Variants in DYNC2I1 observed in about 807,000 individuals in gnomAD.
DYNC2I1 encodes the protein dynein 2 intermediate chain 1, also known as cytoplasmic dynein 2 intermediate chain 1.
Under a neutral mutation model 133.4 loss-of-function variants are expected in DYNC2I1, and 89 were observed. The ratio of observed to expected loss-of-function variants is 0.67; its 90% CI spans 0.56 to 0.80. The LOEUF (loss-of-function observed/expected upper bound fraction) is 0.80. Ranked by LOEUF, DYNC2I1 falls within the 30% of genes least tolerant of loss-of-function variation. The probability of loss-of-function intolerance (pLI) is 0.00; values close to 1 mark genes in which losing one functional copy is unlikely to be tolerated. For missense variants in DYNC2I1, 1,291 were observed against 1,314.5 expected (o/e 0.98, Z 0.28); for synonymous variants, 504 against 484.3 (o/e 1.04, Z -0.54).
intron 11 of DYNC2I1, among the ~76,000 whole-genome samples, chr7:158,911,028 GCTGTGTCAGGC>G (rs1847410613): frequency 6.6e-6 from 1 of 152,192 alleles, no homozygotes; most frequent in Non-Finnish European, 1.5e-5. Flanking sequence ...AGGGCGATTG[GCTGTGTCAGGC>G]CTGTGGGCGG....
At chr7:158,929,001 A>G (rs1358439897) in intron 20 of DYNC2I1, among the ~76,000 whole-genome samples, 4 of 152,242 alleles carry the variant, frequency 2.6e-5, no homozygotes, top group East Asian at 1.9e-4. Flanking sequence ...AAGTATTTGC[A>G]TACAAATGTT....
chr7:158,856,949 G>A (rs1037436128), intron 1 of DYNC2I1, among the ~76,000 whole-genome samples, 199 bp downstream of exon 1: 3 of 152,070 alleles, frequency 2.0e-5, no homozygotes, highest in Non-Finnish European at 2.9e-5. Flanking sequence ...GGGATGGCAG[G>A]ACGCCGGGCT....
intron 15 of DYNC2I1, 26 bp from the exon 16 acceptor site, chr7:158,922,351 T>C (rs767070446): frequency 6.2e-7 from 1 of 1,603,214 alleles, no homozygotes; most frequent in South Asian, 1.1e-5. Flanking sequence ...GTCGTTGAAA[T>C]GTGAACATAT....
intron 11 of DYNC2I1, among the ~76,000 whole-genome samples, chr7:158,910,749 C>T (rs536267580): frequency 4.1e-5 from 6 of 147,562 alleles, no homozygotes; most frequent in Non-Finnish European, 7.4e-5. Context: ...TTGGCTGTGT[C>T]AGACCTGTGG....
chr7:158,915,538 G>A (rs1319260448), intron 14 of DYNC2I1, among the ~76,000 whole-genome samples: 27 of 151,608 alleles, frequency 1.8e-4, no homozygotes, highest in Non-Finnish European at 2.5e-4. Context: ...GTGAAACCTC[G>A]ACACGGTGGT....
At chr7:158,907,298 T>A (rs985306455) in intron 11 of DYNC2I1, among the ~76,000 whole-genome samples, 12 of 137,456 alleles carry the variant, frequency 8.7e-5, no homozygotes, top group South Asian at 2.3e-4. Context: ...TTTTTTTTTT[T>A]AAACCTGATT....
intron 1 of DYNC2I1, among the ~76,000 whole-genome samples, chr7:158,866,840 G>A (rs950757825): frequency 4.6e-5 from 7 of 151,026 alleles, no homozygotes; most frequent in East Asian, 2.0e-4. Flanking sequence ...AGCTGAGATC[G>A]CACCACTGCA....
At chr7:158,935,418 A>G (rs1287154487) in intron 23 of DYNC2I1, among the ~76,000 whole-genome samples, 1 of 152,274 alleles carries the variant, frequency 6.6e-6, no homozygotes, top group Non-Finnish European at 1.5e-5. Flanking sequence ...AACAAGAATT[A>G]TATGACAGTC....
At chr7:158,846,345 A>AT in the DYNC2I1 span, among the ~76,000 whole-genome samples, 4 of 151,966 alleles carry the variant, frequency 2.6e-5, no homozygotes, top group South Asian at 2.1e-4. Flanking sequence ...TATAAAGATG[A>AT]TTTTTTTTGG....
At chr7:158,912,472 A>G (rs537266879) in intron 12 of DYNC2I1, among the ~76,000 whole-genome samples, 1 of 152,246 alleles carries the variant, frequency 6.6e-6, no homozygotes, top group African/African-American at 2.4e-5. Flanking sequence ...ATTTTTTTTA[A>G]GAGACAGGGT....
intron 23 of DYNC2I1, among the ~76,000 whole-genome samples, chr7:158,938,969 C>T (rs1470869828): frequency 6.6e-6 from 1 of 152,082 alleles, no homozygotes; most frequent in Non-Finnish European, 1.5e-5. Context: ...ACAATAATAG[C>T]TATAGCAACT....
intron 23 of DYNC2I1, among the ~76,000 whole-genome samples, chr7:158,937,938 A>G (rs1850934702): frequency 6.6e-6 from 1 of 152,142 alleles, no homozygotes; most frequent in South Asian, 2.1e-4. Flanking sequence ...TCAGAGGAGA[A>G]AAAAGAACAA....
intron 3 of DYNC2I1, among the ~76,000 whole-genome samples, chr7:158,875,318 CTCCTGACTTCGTGA>C (rs2129477991): frequency 6.6e-6 from 1 of 152,250 alleles, no homozygotes; most frequent in South Asian, 2.1e-4. Context: ...TAATCTTGAA[CTCCTGACTTCGTGA>C]TCCACCTGCC....
At chr7:158,954,767 C>G (rs143765124) in intron 4 of DYNC2I1, among the ~76,000 whole-genome samples, 173 of 152,284 alleles carry the variant, frequency 1.1e-3, no homozygotes, top group African/African-American at 4.1e-3. Flanking sequence ...AGAGAATGCT[C>G]TGAATATTAT....
intron 4 of DYNC2I1, among the ~76,000 whole-genome samples, chr7:158,953,175 CTA>C (rs1204885522): frequency 1.6e-5 from 2 of 128,028 alleles, no homozygotes; most frequent in African/African-American, 5.7e-5. Flanking sequence ...GTGGCTGCTC[CTA>C]CCCTCCTCGC....
In DYNC2I1 at chr7:158,934,190, C is replaced by A; in HGVS notation, c.2608C>A (p.Pro870Thr). The change falls in exon 22 of 25, where the codon CCT becomes ACT. Residue 870 changes from proline to threonine, a missense_variant. Transcript: ENST00000407559. ...TTQTLNVKFLPSDPNHFIIGT... is the reference protein window; with the variant it reads ...TTQTLNVKFLTSDPNHFIIGT... Reference sequence around the variant, plus strand: ...ACAAACACTGAATGTTAAATTTCTGCCTTCAGATCCTAATCACTTTATTAT... The same window carrying A: ...ACAAACACTGAATGTTAAATTTCTGACTTCAGATCCTAATCACTTTATTAT... The A allele has an allele frequency of 2.5e-6, 4 of 1,612,662 alleles. No homozygotes were observed. Among genetic ancestry groups the A allele is most frequent in the Non-Finnish European group, 3.4e-6 (4 of 1,179,576 alleles).
At chr7:158,848,688 G>T in the DYNC2I1 span, among the ~76,000 whole-genome samples, 43 of 152,290 alleles carry the variant, frequency 2.8e-4, no homozygotes, top group African/African-American at 1.0e-3. Context: ...ACTTTGGGAG[G>T]CCGAGGCGGG....
chr7:158,896,670 A>G (rs909245069), intron 8 of DYNC2I1, among the ~76,000 whole-genome samples: 5 of 151,988 alleles, frequency 3.3e-5, no homozygotes, highest in African/African-American at 2.4e-5. Flanking sequence ...ACAGGGTCTT[A>G]AGATCTCACC....
At chr7:158,852,671 G>A (rs1446636252), upstream of DYNC2I1, among the ~76,000 whole-genome samples, 10 of 152,204 alleles carry the variant, frequency 6.6e-5, no homozygotes, top group Non-Finnish European at 1.2e-4. Flanking sequence ...CCCTGGAGGC[G>A]GAGGTTGCAG....
Sources: gnomAD v4.1 joint callset for allele counts (sites outside exome capture counted in the v4.1 genomes callset) on GRCh38, gnomAD v4.1.1 for gene constraint, MANE v1.5 for transcripts, NCBI Gene and HGNC (gene_info 2026-07-23, HGNC 2026-07-21) for gene names.